GSE1: variants seen among roughly 807,000 people sequenced by gnomAD.
GSE1 encodes the protein Gse1 coiled-coil protein.
Under a neutral mutation model 112.6 loss-of-function variants are expected in GSE1, and 32 were observed. That is an observed-to-expected ratio of 0.28 (90% CI 0.21 to 0.38). The LOEUF (loss-of-function observed/expected upper bound fraction) is 0.38, where lower values mean the gene tolerates loss of function less well. Among genes scored for constraint, GSE1 ranks in the 10% least tolerant of loss-of-function variants. The pLI is 1.00. For synonymous variants in GSE1, 1,115 were observed against 735.6 expected (o/e 1.52, Z -8.35); for missense variants, 2,348 against 1,699.2 (o/e 1.38, Z -6.71).
intron 8 of GSE1, 34 bp downstream of exon 8, chr16:85,657,638 C>T: frequency 7.1e-7 from 1 of 1,399,242 alleles, no homozygotes. Flanking sequence ...GAGGGATGAG[C>T]CTTCACGTTC....
intron 2 of GSE1, among the ~76,000 whole-genome samples, chr16:85,515,234 C>T (rs1219468741): frequency 6.6e-6 from 1 of 152,200 alleles, no homozygotes; most frequent in Non-Finnish European, 1.5e-5. Context: ...ACCCGCCTCA[C>T]CTCTGCCCCC....
chr16:85,182,888 G>A (rs796816917), intron 1 of GSE1, among the ~76,000 whole-genome samples: 7 of 151,748 alleles, frequency 4.6e-5, no homozygotes, highest in African/African-American at 1.7e-4. Context: ...CAGCACACCC[G>A]CCTCCCTCTC....
intron 2 of GSE1, among the ~76,000 whole-genome samples, chr16:85,535,164 C>T (rs1011247603): frequency 6.6e-6 from 1 of 152,232 alleles, no homozygotes; most frequent in Non-Finnish European, 1.5e-5. Context: ...CAGGGTCACA[C>T]CAGCCTGGGG....
intron 1 of GSE1, chr16:85,285,877 C>A (rs965920273): frequency 6.6e-6 from 1 of 152,238 alleles, no homozygotes; most frequent in Non-Finnish European, 1.5e-5. Flanking sequence ...TTTGTCTGAA[C>A]ATCACAAGGA....
intron 1 of GSE1, among the ~76,000 whole-genome samples, chr16:85,604,899 G>C (rs1412749307): frequency 1.0e-5 from 1 of 99,990 alleles, no homozygotes; most frequent in Non-Finnish European, 1.9e-5. Context: ...CTCACTGCAA[G>C]CTCCGCCTCC....
chr16:85,397,855 C>G (rs35042463), intron 2 of GSE1, among the ~76,000 whole-genome samples: 79,759 of 151,936 alleles, frequency 0.52, 21,356 homozygotes, highest in East Asian at 0.67. Context: ...CTCCTCCAGC[C>G]CGCATAGAAG....
At chr16:85,502,039 G>A (rs898975278) in intron 2 of GSE1, among the ~76,000 whole-genome samples, 1 of 152,224 alleles carries the variant, frequency 6.6e-6, no homozygotes, top group East Asian at 1.9e-4. Flanking sequence ...CTTGCAGGAA[G>A]ATCCCGGGAG....
rs936106423 is a variant in GSE1 at position 85,254,141 on chromosome 16, G to A, written c.2283+82334G>A. 3.3e-5 allele frequency among the ~76,000 whole-genome samples: 5 copies of A among 152,208 alleles called. No homozygotes were observed. The South Asian group carries it at 8.3e-4, about 25-fold the overall frequency. ...CAGGCAGCAGCTCATCTCACCTCTC[G>A]GGATCGCCCCCAAGGGGGCATGGTT... On this transcript the variant is annotated intron_variant, in intron 1 of 2. Transcript: ENST00000637419.
chr16:85,302,453 C>A (rs1443584082), intron 1 of GSE1, among the ~76,000 whole-genome samples: 1 of 151,898 alleles, frequency 6.6e-6, no homozygotes. Flanking sequence ...ACACCGCCCC[C>A]CCCCGCCCCC....
intron 2 of GSE1, among the ~76,000 whole-genome samples, chr16:85,501,304 G>C (rs1481343773): frequency 6.7e-6 from 1 of 150,262 alleles, no homozygotes; most frequent in Non-Finnish European, 1.5e-5. Context: ...ACCCAGCCAA[G>C]TATGGCCTCT....
intron 2 of GSE1, among the ~76,000 whole-genome samples, chr16:85,435,195 G>T (rs574536077): frequency 4.6e-5 from 7 of 152,362 alleles, no homozygotes; most frequent in African/African-American, 1.7e-4. Context: ...GATGCCCAGA[G>T]CCTCGGCCCT....
chr16:85,613,251 G>A (rs867267982), upstream of GSE1: 159 of 1,521,878 alleles, frequency 1.0e-4, 2 homozygotes, highest in African/African-American at 9.3e-4. Flanking sequence ...TTTCTTGGCC[G>A]GGGCCCCGGA....
At chr16:85,280,044 A>G (rs1349498764) in intron 1 of GSE1, among the ~76,000 whole-genome samples, 2 of 152,172 alleles carry the variant, frequency 1.3e-5, no homozygotes, top group Non-Finnish European at 2.9e-5. Flanking sequence ...TTTCACCCAA[A>G]GGTTGCTGAG....
intron 2 of GSE1, among the ~76,000 whole-genome samples, chr16:85,518,959 C>T (rs1254831612): frequency 3.3e-5 from 5 of 152,146 alleles, no homozygotes; most frequent in Non-Finnish European, 7.4e-5. Flanking sequence ...CCAGGCAGGA[C>T]CACATGGTGT....
chr16:85,433,588 CTGGATGGATGGA>C (rs57012969), intron 2 of GSE1, among the ~76,000 whole-genome samples: 1,669 of 150,170 alleles, frequency 0.011, 13 homozygotes, highest in Non-Finnish European at 0.015. Context: ...GAGAAGGATC[CTGGATGGATGGA>C]TGGATGGATG....
At chr16:85,538,011 G>T (rs62048401) in intron 2 of GSE1, among the ~76,000 whole-genome samples, 36,963 of 152,142 alleles carry the variant, frequency 0.24, 4,676 homozygotes, top group Middle Eastern at 0.31. Flanking sequence ...GGAGCCAGAA[G>T]TGCAGCCTTG....
At chr16:85,635,204 TGGG>T (rs1220748518) in intron 2 of GSE1, among the ~76,000 whole-genome samples, 4 of 151,908 alleles carry the variant, frequency 2.6e-5, no homozygotes, top group African/African-American at 9.7e-5. Flanking sequence ...CGTTGGAGAA[TGGG>T]GGGAGTGTGA....
At position 85,655,862 on chromosome 16, in the gene GSE1, C is replaced by G; in HGVS notation, c.934C>G (p.His312Asp). The change falls in exon 6 of 16, where the codon CAC becomes GAC. Residue 312 changes from histidine to aspartate, a missense_variant. Transcript: ENST00000253458. ...SGVRYPPELS[H>D]SSLAALHSER... is the part of the protein sequence containing the mutation. ...GGTCCGCTACCCTCCCGAGCTCTCC[C>G]ACTCATCCCTGGCAGCGCTGCACTC... 6.2e-7 allele frequency: 1 copy of G among 1,609,466 alleles called. No individual in the cohort carries two copies. Among genetic ancestry groups the G allele is most frequent in the East Asian group, 2.2e-5 (1 of 44,878 alleles).
At chr16:85,613,241 T>A (rs1200606581), upstream of GSE1, 1 of 1,515,534 alleles carries the variant, frequency 6.6e-7, no homozygotes, top group Non-Finnish European at 8.8e-7. Flanking sequence ...GCAGCAGGTG[T>A]TTCTTGGCCG....
Sources: gnomAD v4.1 joint callset for allele counts (sites outside exome capture counted in the v4.1 genomes callset) on GRCh38, gnomAD v4.1.1 for gene constraint, MANE v1.5 for transcripts, NCBI Gene and HGNC (gene_info 2026-07-23, HGNC 2026-07-21) for gene names.